CNTRL: variants seen among roughly 807,000 people sequenced by gnomAD.
CNTRL encodes centriolin.
In CNTRL, 233 loss-of-function variants were observed where a neutral mutation model predicts 303.7. The observed-to-expected ratio is 0.77, with a 90% CI of 0.69 to 0.86. The LOEUF is 0.86. Ranked by LOEUF, CNTRL falls within the 40% of genes least tolerant of loss-of-function variation. CNTRL has a pLI of 0.00. For missense variants in CNTRL, 2,524 were observed against 2,650.6 expected (o/e 0.95, Z 1.05); for synonymous variants, 900 against 922.2 (o/e 0.98, Z 0.44).
chr9:121,177,146 C>G lies in CNTRL; in HGVS notation c.6955-17C>G, dbSNP rs1470131586. The G allele has an allele frequency of 2.5e-6, 4 of 1,606,246 alleles. No individual in the cohort carries two copies. Reference sequence around the variant, plus strand: ...GTTTCAAGAATTTGATTTATCCTTCCTTTTGTCTTACTGTAGGAAAAGAAT... The same window carrying G: ...GTTTCAAGAATTTGATTTATCCTTCGTTTTGTCTTACTGTAGGAAAAGAAT... On this transcript the variant is annotated splice_polypyrimidine_tract_variant and intron_variant, in intron 43 of 43. Transcript: ENST00000373855.
chr9:121,087,291 G>A (rs76974367), intron 2 of CNTRL, among the ~76,000 whole-genome samples: 12,430 of 152,088 alleles, frequency 0.082, 1,198 homozygotes, highest in African/African-American at 0.22. Context: ...GAGGAGGAAC[G>A]GGGTAAATAA....
At chr9:121,078,352 G>T (rs1234505944) in intron 1 of CNTRL, among the ~76,000 whole-genome samples, 3 of 151,162 alleles carry the variant, frequency 2.0e-5, no homozygotes, top group Non-Finnish European at 4.4e-5. Context: ...AGGTTATAGT[G>T]AGCCGAGATC....
In CNTRL at chr9:121,130,224, C is replaced by A. The variant is rs1010684504; in HGVS notation, c.2025+4288C>A. Among the ~76,000 whole-genome samples, 5 of 152,234 alleles carry A rather than the reference C, an allele frequency of 3.3e-5. No homozygotes were observed. In the South Asian group the frequency reaches 6.2e-4, roughly 19 times the overall value. On this transcript the variant is annotated intron_variant, in intron 14 of 43. Transcript: ENST00000373855. ...GGAATGGTACCAGCTCCTCTTTGTA[C>A]CTCTGGTAGAATTCAGCTGTGAATC...
chr9:121,141,676 A>T, intron 18 of CNTRL, 88 bp downstream of exon 18: 1 of 1,187,872 alleles, frequency 8.4e-7, no homozygotes, highest in Non-Finnish European at 1.2e-6. Context: ...TTTGTCATGT[A>T]AATACAACAT....
At chr9:121,097,614 A>G (rs992406771) in intron 6 of CNTRL, among the ~76,000 whole-genome samples, 12 of 152,114 alleles carry the variant, frequency 7.9e-5, no homozygotes, top group African/African-American at 2.7e-4. Flanking sequence ...GCCCAACCCC[A>G]TGTTGTACAG....
At chr9:121,099,524 C>T (rs551294008) in intron 7 of CNTRL, among the ~76,000 whole-genome samples, 1 of 152,166 alleles carries the variant, frequency 6.6e-6, no homozygotes, top group African/African-American at 2.4e-5. Context: ...CAGCTCCTCA[C>T]CAGCAATGGA....
chr9:121,115,588 AAAAG>A (rs2049941282), intron 11 of CNTRL, among the ~76,000 whole-genome samples: 1 of 152,208 alleles, frequency 6.6e-6, no homozygotes, highest in Non-Finnish European at 1.5e-5. Context: ...GCCAAAAAAA[AAAAG>A]AGATATGTGG....
At position 121,164,873 on chromosome 9, in the gene CNTRL, T is replaced by A. The variant is rs536643848; in HGVS notation, c.5424-70T>A. ...TCCATAACTGTATGTTGTGAAAGGATAACACTGTTCCTCAGTCATCTCCTG... is the reference window on the plus strand; with the variant it reads ...TCCATAACTGTATGTTGTGAAAGGAAAACACTGTTCCTCAGTCATCTCCTG... On this transcript the variant is annotated intron_variant, in intron 34 of 43. Transcript: ENST00000373855. 20 of 1,221,412 alleles carry A rather than the reference T, an allele frequency of 1.6e-5. 1 individual carries two copies. In the East Asian group the frequency reaches 4.9e-4, roughly 30 times the overall value. 75.7% of individuals were successfully genotyped at this position (1,221,412 alleles called of 1,614,324 possible).
At chr9:121,077,109 G>T (rs2047956199) in intron 1 of CNTRL, among the ~76,000 whole-genome samples, 1 of 152,104 alleles carries the variant, frequency 6.6e-6, no homozygotes. Context: ...TGGGTTTATA[G>T]GTGGCAGGAT....
At chr9:121,167,438 T>G in intron 36 of CNTRL, 51 bp from the exon 37 acceptor site, 1 of 1,502,324 alleles carries the variant, frequency 6.7e-7, no homozygotes, top group East Asian at 2.3e-5. Context: ...ACTGACCACC[T>G]CTAGTAAAGA....
At chr9:121,170,220 T>G (rs570547369) in intron 39 of CNTRL, among the ~76,000 whole-genome samples, 1 of 152,234 alleles carries the variant, frequency 6.6e-6, no homozygotes, top group Non-Finnish European at 1.5e-5. Context: ...CTCAGCTCAC[T>G]GCAGCCTCTG....
rs2049799121 is a variant in CNTRL, at chr9:121,112,655, A to G, written c.1122+77A>G. ...GAATGGGGGAGGGCAGGTGGTGAGGACATGTAAGGGATTTGATCAGATATC... is the reference window on the plus strand; with the variant it reads ...GAATGGGGGAGGGCAGGTGGTGAGGGCATGTAAGGGATTTGATCAGATATC... On this transcript the variant is annotated intron_variant, in intron 9 of 43. Transcript: ENST00000373855. The G allele has an allele frequency of 5.0e-6, 7 of 1,411,966 alleles. 1 individual carries two copies. In the African/African-American group the frequency reaches 7.1e-5, roughly 14 times the overall value. The allele number at this position is 1,411,966 out of a possible 1,614,324, so 87.5% of individuals were successfully genotyped here.
chr9:121,127,627 C>T (rs1048592556), intron 14 of CNTRL, among the ~76,000 whole-genome samples: 20 of 152,028 alleles, frequency 1.3e-4, no homozygotes, highest in African/African-American at 4.8e-4. Flanking sequence ...TTTATCTCCT[C>T]ATATGTAATT....
intron 13 of CNTRL, among the ~76,000 whole-genome samples, chr9:121,125,320 C>T (rs997093239): frequency 7.3e-5 from 11 of 151,696 alleles, no homozygotes; most frequent in Admixed American, 1.3e-4. Context: ...GGCACATGCC[C>T]GGCTAATTTT....
intron 13 of CNTRL, among the ~76,000 whole-genome samples, 200 bp from the exon 14 acceptor site, chr9:121,125,516 T>C (rs1206042649): frequency 4.1e-4 from 63 of 152,160 alleles, no homozygotes; most frequent in Admixed American, 4.1e-3. Context: ...CCCCTAAATG[T>C]ACTATTTTTA....
At chr9:121,079,229 C>T (rs1343469700) in intron 1 of CNTRL, among the ~76,000 whole-genome samples, 2 of 152,170 alleles carry the variant, frequency 1.3e-5, no homozygotes, top group Admixed American at 6.5e-5. Context: ...TTGTTTACCA[C>T]GCTTGAAATT....
At chr9:121,169,909 C>G in intron 39 of CNTRL, 93 bp downstream of exon 39, 1 of 1,017,310 alleles carries the variant, frequency 9.8e-7, no homozygotes. Context: ...AATAAATTAC[C>G]CATCAACCCA....
intron 4 of CNTRL, among the ~76,000 whole-genome samples, chr9:121,093,940 C>G (rs183398230): frequency 1.4e-4 from 22 of 152,166 alleles, no homozygotes; most frequent in Admixed American, 9.8e-4. Flanking sequence ...GAAACCCCAT[C>G]TCTACTAAAA....
At chr9:121,149,073 T>A (rs2052049996) in intron 24 of CNTRL, among the ~76,000 whole-genome samples, 1 of 152,180 alleles carries the variant, frequency 6.6e-6, no homozygotes. Flanking sequence ...TGCCTACTCA[T>A]CCTTCAGTGA....
Sources: gnomAD v4.1 joint callset for allele counts (sites outside exome capture counted in the v4.1 genomes callset) on GRCh38, gnomAD v4.1.1 for gene constraint, MANE v1.5 for transcripts, NCBI Gene and HGNC (gene_info 2026-07-23, HGNC 2026-07-21) for gene names.